NAV2: variants seen among roughly 807,000 people sequenced by gnomAD.
The protein encoded by NAV2 is helicase, APC down-regulated 1.
In NAV2, 54 loss-of-function variants were observed where a neutral mutation model predicts 223.2. The ratio of observed to expected loss-of-function variants is 0.24; its 90% CI spans 0.19 to 0.30. The LOEUF (loss-of-function observed/expected upper bound fraction) is 0.30, where lower values mean the gene tolerates loss of function less well. Among genes scored for constraint, NAV2 ranks in the 10% least tolerant of loss-of-function variants. The probability of loss-of-function intolerance (pLI) is 1.00; values close to 1 mark genes in which losing one functional copy is unlikely to be tolerated. For synonymous variants in NAV2, 1,279 were observed against 1,239.3 expected, an observed-to-expected ratio of 1.03 and a Z score of -0.67; for missense variants, 2,806 against 3,147.5, an observed-to-expected ratio of 0.89 and a Z score of 2.60.
intron 1 of NAV2, among the ~76,000 whole-genome samples, chr11:19,659,566 A>T (rs566721621): frequency 6.6e-6 from 1 of 152,264 alleles, no homozygotes; most frequent in Non-Finnish European, 1.5e-5. Flanking sequence ...CAGGCAAGAG[A>T]TGATGGTGGC....
chr11:19,758,442 C>T (rs556464319), intron 1 of NAV2, among the ~76,000 whole-genome samples: 7 of 152,068 alleles, frequency 4.6e-5, no homozygotes, highest in African/African-American at 9.7e-5. Flanking sequence ...CTGGAGCTGG[C>T]GAAGGGTGGT....
intron 1 of NAV2, among the ~76,000 whole-genome samples, chr11:19,544,876 A>G (rs2044447840): frequency 6.6e-6 from 1 of 152,184 alleles, no homozygotes; most frequent in Admixed American, 6.5e-5. Flanking sequence ...GAGAGAGTAA[A>G]GCAAAGGAAT....
intron 1 of NAV2, among the ~76,000 whole-genome samples, chr11:19,525,309 T>A (rs890912560): frequency 1.3e-5 from 2 of 152,148 alleles, no homozygotes; most frequent in Non-Finnish European, 2.9e-5. Flanking sequence ...TCCTACACCA[T>A]GTTTCAGATC....
rs556783375 is a variant in NAV2, at chr11:20,063,634, C to T, written c.4884+1275C>T. Among the ~76,000 whole-genome samples the T allele has an allele frequency of 4.5e-4, 68 of 152,154 alleles. No homozygotes were observed. The South Asian group carries it at 0.013, about 29-fold the overall frequency. On this transcript the variant is annotated intron_variant, in intron 20 of 37. Transcript: ENST00000349880. ...AAGTGATCCGCCCATCTCAGCCTCCCGAAGTGTTGGGATTACAGGCGTGAG... is the reference window on the plus strand; with the variant it reads ...AAGTGATCCGCCCATCTCAGCCTCCTGAAGTGTTGGGATTACAGGCGTGAG...
chr11:19,710,711 C>G (rs954861312), upstream of NAV2, among the ~76,000 whole-genome samples: 2 of 152,242 alleles, frequency 1.3e-5, no homozygotes, highest in African/African-American at 4.8e-5. Context: ...TATCTTTCCA[C>G]AAATCTTGGT....
At chr11:19,526,490 T>C (rs902316640) in intron 1 of NAV2, among the ~76,000 whole-genome samples, 7 of 152,118 alleles carry the variant, frequency 4.6e-5, no homozygotes, top group Admixed American at 4.6e-4. Context: ...TGAATATGAT[T>C]GGCCTCTTAT....
intron 1 of NAV2, among the ~76,000 whole-genome samples, chr11:19,718,759 G>A (rs1160628055): frequency 1.3e-5 from 2 of 150,556 alleles, no homozygotes; most frequent in African/African-American, 5.0e-5. Context: ...CTTTAAGGGT[G>A]GTACTGGTGG....
intron 10 of NAV2, among the ~76,000 whole-genome samples, chr11:19,949,872 A>G (rs2047242503): frequency 6.6e-6 from 1 of 152,174 alleles, no homozygotes; most frequent in African/African-American, 2.4e-5. Flanking sequence ...GAACACGTGA[A>G]TCAGTGAATG....
chr11:19,447,694 C>T (rs1017511218), intron 1 of NAV2, among the ~76,000 whole-genome samples: 5 of 152,166 alleles, frequency 3.3e-5, no homozygotes, highest in Admixed American at 6.5e-5. Context: ...GGGCAGAGAC[C>T]GTATCTCTTT....
chr11:20,068,123 G>A (rs568128985), intron 20 of NAV2, 63 bp from the exon 21 acceptor site: 22 of 1,422,072 alleles, frequency 1.5e-5, no homozygotes, highest in Admixed American at 3.3e-5. Context: ...TGTTCCCGAT[G>A]GGCTGGACTA....
At position 20,012,674 on chromosome 11, in the gene NAV2, CAA is replaced by C. The variant is rs869102100; in HGVS notation, c.2769-23269_2769-23268del. ...TGGGCAACAAAGTTAGACTCCATCTCAAAAAAAAAAAAAAAAAGAAGGGGGAA... is the reference window on the plus strand; with the variant it reads ...TGGGCAACAAAGTTAGACTCCATCTCAAAAAAAAAAAAAAAGAAGGGGGAA... On this transcript the variant is annotated intron_variant, in intron 11 of 37. Transcript: ENST00000349880. Among the ~76,000 whole-genome samples, 359 of 128,146 alleles carry C rather than the reference CAA, an allele frequency of 2.8e-3. 8 individuals carry two copies. The highest frequency in any genetic ancestry group is 4.0e-3 in the Middle Eastern group (1 of 252). The allele number at this position is 128,146 out of a possible 152,430, so 84.1% of individuals were successfully genotyped here.
At position 20,077,544 on chromosome 11, in the gene NAV2, C is replaced by T; in HGVS notation, c.4984-8C>T. On this transcript the variant is annotated splice_polypyrimidine_tract_variant and splice_region_variant and intron_variant, in intron 22 of 37. Coordinates refer to ENST00000349880, the MANE Select transcript of NAV2 (RefSeq NM_145117.5). ...GTAATATAACTGAGGTTGTGTCTTC[C>T]CCTCCAGGCTCACCTTGTGGCAGCC... 1.9e-6 allele frequency: 3 copies of T among 1,609,444 alleles called. No homozygotes were observed. In the South Asian group the frequency reaches 3.3e-5, roughly 18 times the overall value.
At chr11:19,404,901 G>A (rs1486759305) in intron 1 of NAV2, among the ~76,000 whole-genome samples, 2 of 152,136 alleles carry the variant, frequency 1.3e-5, no homozygotes, top group African/African-American at 4.8e-5. Context: ...TGGAAGGCCT[G>A]TCTGTCTGGT....
At chr11:19,938,377 G>A (rs982917831) in intron 7 of NAV2, among the ~76,000 whole-genome samples, 10 of 152,174 alleles carry the variant, frequency 6.6e-5, no homozygotes, top group African/African-American at 2.4e-4. Context: ...GGCTCAGGGT[G>A]AGTGGGCCTG....
chr11:19,554,361 A>G (rs904720106), intron 1 of NAV2, among the ~76,000 whole-genome samples: 12 of 152,196 alleles, frequency 7.9e-5, no homozygotes, highest in African/African-American at 2.4e-4. Flanking sequence ...CACTAGGCCA[A>G]CCTTACAGTT....
intron 2 of NAV2, among the ~76,000 whole-genome samples, chr11:19,836,521 C>T (rs986812409): frequency 6.9e-6 from 1 of 145,560 alleles, no homozygotes; most frequent in Non-Finnish European, 1.5e-5. Context: ...TGCGCCACTG[C>T]AGTCCGCAGT....
Position 19,607,936 on chromosome 11 carries a change from A to G in NAV2, c.76-224548A>G, listed in dbSNP as rs143678249. 8.8e-3 allele frequency among the ~76,000 whole-genome samples: 1,347 copies of G among 152,342 alleles called. 21 individuals are homozygous for G. Among genetic ancestry groups the G allele is most frequent in the African/African-American group, 0.03 (1,251 of 41,576 alleles). Reference sequence around the variant, plus strand: ...AGATCAGGAGGCTAAATGCAATCCCAAGAGCTACTGTGTATTGATGGCTTA... The same window carrying G: ...AGATCAGGAGGCTAAATGCAATCCCGAGAGCTACTGTGTATTGATGGCTTA... On this transcript the variant is annotated intron_variant, in intron 1 of 37. Coordinates refer to the NAV2 transcript ENST00000360655.
intron 1 of NAV2, among the ~76,000 whole-genome samples, chr11:19,618,376 GGATGGATGGATGGATGGATGAATA>G (rs1219009605): frequency 5.0e-5 from 5 of 99,428 alleles, no homozygotes; most frequent in African/African-American, 1.6e-4. Flanking sequence ...ATGGATGGAT[GGATGGATGGATGGATGGATGAATA>G]GATGGATGGA....
chr11:20,095,572 C>G lies in NAV2; in HGVS notation c.5917-100C>G, dbSNP rs768822960. The stretch of plus-strand genomic sequence containing the variant: ...ACAAATAGGACTTTTATTCCCCTCT[C>G]AAACCATTGGCGGAGTTCTAAGGCA... On this transcript the variant is annotated intron_variant, in intron 29 of 37. Coordinates refer to ENST00000349880, the MANE Select transcript of NAV2 (RefSeq NM_145117.5). 208 of 791,360 alleles carry G rather than the reference C, an allele frequency of 2.6e-4. 1 individual carries two copies. Among genetic ancestry groups the G allele is most frequent in the Non-Finnish European group, 5.1e-5 (23 of 450,108 alleles). The allele number at this position is 791,360 out of a possible 1,614,324, so 49.0% of individuals were successfully genotyped here.
Sources: allele counts gnomAD v4.1 joint callset (sites outside exome capture counted in the v4.1 genomes callset), GRCh38; gene constraint gnomAD v4.1.1; transcripts MANE v1.5; gene names NCBI Gene and HGNC (gene_info 2026-07-23, HGNC 2026-07-21).